HSD11B1: variants seen among roughly 807,000 people sequenced by gnomAD.
HSD11B1 encodes hydroxysteroid 11-beta dehydrogenase 1.
HSD11B1 carries 15 observed loss-of-function variants against 22.1 expected under a neutral mutation model. That is an observed-to-expected ratio of 0.68 (90% CI 0.45 to 1.04). HSD11B1 has a LOEUF of 1.04. HSD11B1 is among the 50% of genes least tolerant of loss of function. The pLI is 0.00. For synonymous variants in HSD11B1, 122 were observed against 125.2 expected (o/e 0.97, Z 0.17); for missense variants, 281 against 357.6 (o/e 0.79, Z 1.73).
chr1:209,704,854 G>A lies in HSD11B1; in HGVS notation c.-89G>A, dbSNP rs1359498545. ...CCCCCGTCCCTGATGTCACAATTCA[G>A]AGGCTGCTGCCTGCTTAGGAGGTTG... On this transcript the variant is annotated 5_prime_UTR_variant, in exon 1 of 6. Transcript: ENST00000367027. 8.2e-6 allele frequency: 8 copies of A among 978,420 alleles called. No homozygotes were observed. The East Asian group carries it at 1.2e-4, about 15-fold the overall frequency. 60.6% of individuals were successfully genotyped at this position (978,420 alleles called of 1,614,324 possible).
rs1429383360 is a variant in HSD11B1 at position 209,706,420 on chromosome 1, A to G, written c.220-289A>G. 2.6e-5 allele frequency among the ~76,000 whole-genome samples: 4 copies of G among 152,176 alleles called. No individual in the cohort carries two copies. Among genetic ancestry groups the G allele is most frequent in the Non-Finnish European group, 5.9e-5 (4 of 68,028 alleles). On this transcript the variant is annotated intron_variant, in intron 2 of 5. Coordinates refer to ENST00000367027, the MANE Select transcript of HSD11B1 (RefSeq NM_005525.4). The surrounding 1 kb of genome is among the most constrained non-coding windows in gnomAD (Gnocchi z 4.0). ...ATAGTAACCAGCATCTACACTCATA[A>G]TGCCCTCAGAAATGCCTATTCACAG...
rs376208100 is a variant in HSD11B1 at position 209,707,021 on chromosome 1, G to A, written c.410G>A (p.Arg137His). The A allele has an allele frequency of 1.7e-5, 28 of 1,613,766 alleles. No individual in the cohort carries two copies. The highest frequency in any genetic ancestry group is 6.7e-5 in the African/African-American group (5 of 74,896). ...NLFHDDIHHV[R>H]KSMEVNFLSY... ...TTTCATGATGATATTCACCATGTGC[G>A]CAAAAGCATGGAAGTCAACTTCCTC... Residue 137 changes from arginine to histidine, a missense_variant, in exon 4 of 6, where the codon CGC (arginine) becomes CAC (histidine). Transcript: ENST00000367027.
In HSD11B1 at chr1:209,734,574, T is replaced by C. The variant is rs1030951564; in HGVS notation, c.*53T>C. 1 of 1,287,806 alleles carries C rather than the reference T, an allele frequency of 7.8e-7. No individual in the cohort carries two copies. The highest frequency in any genetic ancestry group is 1.5e-5 in the African/African-American group (1 of 68,756). The allele number at this position is 1,287,806 out of a possible 1,614,324, so 79.8% of individuals were successfully genotyped here. A position where few individuals can be genotyped will look rare whatever the true frequency, so the allele number is the denominator to read the frequency against. Reference sequence around the variant, plus strand: ...GGGATTTTGGGACTGTTCTGTCTCATGTTTATCTGAGCTCTTATCTATGAA... The same window carrying C: ...GGGATTTTGGGACTGTTCTGTCTCACGTTTATCTGAGCTCTTATCTATGAA... On this transcript the variant is annotated 3_prime_UTR_variant, in exon 6 of 6. Coordinates refer to ENST00000367027, the MANE Select transcript of HSD11B1 (RefSeq NM_005525.4).
At chr1:209,731,438 T>C (rs1208288476) in intron 4 of HSD11B1, among the ~76,000 whole-genome samples, 1 of 152,188 alleles carries the variant, frequency 6.6e-6, no homozygotes, top group Admixed American at 6.5e-5. Context: ...TGACCCATAC[T>C]TAGGAGGAAA....
At chr1:209,709,175 T>C (rs2102374903) in intron 4 of HSD11B1, among the ~76,000 whole-genome samples, 1 of 152,372 alleles carries the variant, frequency 6.6e-6, no homozygotes, top group South Asian at 2.1e-4. Flanking sequence ...TCATTTCTTC[T>C]AGGGAATACC....
At chr1:209,698,167 TTAGATAGATAGATAGA>T (rs3059689) in intron 1 of HSD11B1, among the ~76,000 whole-genome samples, 8,460 of 146,690 alleles carry the variant, frequency 0.058, 314 homozygotes, top group South Asian at 0.085. Flanking sequence ...GATAGATAGA[TTAGATAGATAGATAGA>T]TAGATAGATA....
At chr1:209,704,052 T>A (rs143637612), upstream of HSD11B1, among the ~76,000 whole-genome samples, 109 of 152,360 alleles carry the variant, frequency 7.2e-4, no homozygotes, top group African/African-American at 2.5e-3. Flanking sequence ...CCAGCTAGTT[T>A]CACTTGCCTA....
At chr1:209,694,478 G>A (rs989829728) in intron 1 of HSD11B1, among the ~76,000 whole-genome samples, 13 of 152,244 alleles carry the variant, frequency 8.5e-5, no homozygotes, top group African/African-American at 3.1e-4. Context: ...ATTCCCTGAA[G>A]GTGTGACTTT....
At chr1:209,720,551 C>T (rs2076958779) in intron 4 of HSD11B1, among the ~76,000 whole-genome samples, 1 of 150,642 alleles carries the variant, frequency 6.6e-6, no homozygotes, top group Non-Finnish European at 1.5e-5. Context: ...CTCTCACAAT[C>T]TAGTATGAGC....
intron 1 of HSD11B1, among the ~76,000 whole-genome samples, chr1:209,696,279 T>G (rs968858038): frequency 6.6e-6 from 1 of 152,198 alleles, no homozygotes; most frequent in African/African-American, 2.4e-5. Flanking sequence ...CAGTAATGAT[T>G]TCTCAACTCT....
At chr1:209,717,661 G>C (rs1002883797) in intron 4 of HSD11B1, among the ~76,000 whole-genome samples, 3 of 152,024 alleles carry the variant, frequency 2.0e-5, no homozygotes, top group African/African-American at 7.2e-5. Context: ...TTAAAGACCA[G>C]CCTGGCCAAC....
At chr1:209,734,214 C>A in intron 5 of HSD11B1, 90 bp from the exon 6 acceptor site, 2 of 990,518 alleles carry the variant, frequency 2.0e-6, no homozygotes, top group South Asian at 2.7e-5. Flanking sequence ...GCCAAAAGCC[C>A]CTGACAGCTA....
chr1:209,692,275 C>G (rs1435851602), intron 1 of HSD11B1, among the ~76,000 whole-genome samples: 1 of 151,976 alleles, frequency 6.6e-6, no homozygotes, highest in East Asian at 1.9e-4. Flanking sequence ...TGGGGACTGT[C>G]AAAGAAAACC....
At chr1:209,731,424 A>G (rs530084405) in intron 4 of HSD11B1, among the ~76,000 whole-genome samples, 2 of 152,352 alleles carry the variant, frequency 1.3e-5, no homozygotes, top group African/African-American at 4.8e-5. Flanking sequence ...AAGAATAGTA[A>G]ATATGACCCA....
At chr1:209,697,274 A>G (rs560610200) in intron 1 of HSD11B1, among the ~76,000 whole-genome samples, 3 of 152,188 alleles carry the variant, frequency 2.0e-5, no homozygotes, top group Non-Finnish European at 4.4e-5. Flanking sequence ...TGTGCAAAGA[A>G]TGTTCTACAA....
intron 4 of HSD11B1, among the ~76,000 whole-genome samples, chr1:209,711,991 T>A (rs930369421): frequency 3.9e-4 from 59 of 152,184 alleles, no homozygotes; most frequent in Non-Finnish European, 1.3e-4. Flanking sequence ...CTTAGGTAGT[T>A]GAGGTTACTT....
At chr1:209,709,937 AAC>A (rs71143893) in intron 4 of HSD11B1, among the ~76,000 whole-genome samples, 4,541 of 143,492 alleles carry the variant, frequency 0.032, 112 homozygotes, top group African/African-American at 0.068. Context: ...CCACATGTGA[AAC>A]ACACACACAC....
intron 4 of HSD11B1, among the ~76,000 whole-genome samples, chr1:209,711,721 T>G (rs940381501): frequency 2.0e-5 from 3 of 152,168 alleles, no homozygotes; most frequent in Non-Finnish European, 4.4e-5. Context: ...CCAGAAAATT[T>G]ATTCTATAAA....
At chr1:209,698,029 T>A (rs554712712) in intron 1 of HSD11B1, among the ~76,000 whole-genome samples, 12 of 151,574 alleles carry the variant, frequency 7.9e-5, no homozygotes, top group Middle Eastern at 3.4e-3. Context: ...CAAACCTGGC[T>A]TGAATCATGT....
Sources: allele counts gnomAD v4.1 joint callset (sites outside exome capture counted in the v4.1 genomes callset), GRCh38; gene constraint gnomAD v4.1.1; non-coding constraint Gnocchi (gnomAD v3.1); transcripts MANE v1.5; gene names NCBI Gene and HGNC (gene_info 2026-07-23, HGNC 2026-07-21).